The following UGT1A10 variants were observed in gnomAD, a reference collection of about 807,000 sequenced individuals.
UGT1A10 encodes the protein UDP-glucuronosyltransferase 1A10.
UGT1A10 carries 49 observed loss-of-function variants against 45.8 expected under a neutral mutation model. The observed-to-expected ratio is 1.07, with a 90% CI of 0.85 to 1.36. UGT1A10 has a LOEUF of 1.36. Ranked by LOEUF, UGT1A10 falls within the 40% of genes most tolerant of loss-of-function variation. The pLI is 0.00. For synonymous variants in UGT1A10, 284 were observed against 249.7 expected (o/e 1.14, Z -1.29); for missense variants, 745 against 668.6 (o/e 1.11, Z -1.26).
chr2:233,716,991 C>T (rs976570789), intron 1 of UGT1A10, among the ~76,000 whole-genome samples: 2 of 152,184 alleles, frequency 1.3e-5, no homozygotes, highest in African/African-American at 2.4e-5. Flanking sequence ...TCCTGCTGTC[C>T]TCAGGGCCCC....
intron 1 of UGT1A10, among the ~76,000 whole-genome samples, chr2:233,668,777 G>A (rs1161634218): frequency 6.6e-6 from 1 of 152,158 alleles, no homozygotes; most frequent in Non-Finnish European, 1.5e-5. Flanking sequence ...CAAAGTCTAT[G>A]TTTTCTTTAG....
rs944391861 is a variant in UGT1A10, at chr2:233,772,995, T to C, written c.*436T>C. ...ACCAATAATGGTCAGTCCTCATCTC[T>C]GTCGTGCTTCATAGGTGCCACCTTG... On this transcript the variant is annotated 3_prime_UTR_variant, in exon 5 of 5. Transcript: ENST00000344644. The C allele has an allele frequency of 2.4e-5, 6 of 254,024 alleles. No individual in the cohort carries two copies. The highest frequency in any genetic ancestry group is 1.4e-4 in the African/African-American group (6 of 44,320). The allele number at this position is 254,024 out of a possible 1,614,324, so 15.7% of individuals were successfully genotyped here.
intron 1 of UGT1A10, among the ~76,000 whole-genome samples, chr2:233,746,093 C>A (rs887469557): frequency 1.5e-4 from 23 of 151,770 alleles, no homozygotes; most frequent in African/African-American, 5.1e-4. Flanking sequence ...TATACAGAAA[C>A]ATGTCCAGAG....
intron 1 of UGT1A10, among the ~76,000 whole-genome samples, chr2:233,730,578 C>A (rs757044136): frequency 1.3e-5 from 2 of 152,094 alleles, no homozygotes; most frequent in Non-Finnish European, 2.9e-5. Context: ...AGTTCAGTTT[C>A]CAGACAGGGA....
At position 233,657,504 on chromosome 2, in the gene UGT1A10, G is replaced by A. The variant is rs147000381; in HGVS notation, c.855+20127G>A. On this transcript the variant is annotated intron_variant, in intron 1 of 4. Transcript: ENST00000344644. ...TTTTTAACAATCAGTTCTTGCAGGA[G>A]CAATAGGACAGGAACTCACCCATTA... Among the ~76,000 whole-genome samples, 42 of 152,282 alleles carry A rather than the reference G, an allele frequency of 2.8e-4. No individual in the cohort carries two copies. The East Asian group carries it at 7.9e-3, about 29-fold the overall frequency.
chr2:233,699,456 A>T (rs1190557826), intron 1 of UGT1A10, among the ~76,000 whole-genome samples: 1 of 152,192 alleles, frequency 6.6e-6, no homozygotes, highest in African/African-American at 2.4e-5. Flanking sequence ...CCTTAGAACA[A>T]AGGAGGTCAG....
chr2:233,756,842 A>T (rs544297535), intron 1 of UGT1A10, among the ~76,000 whole-genome samples: 73 of 152,236 alleles, frequency 4.8e-4, no homozygotes, highest in African/African-American at 1.7e-3. Context: ...TTAACCAAAG[A>T]ACATTCTAAC....
chr2:233,748,071 C>T, intron 1 of UGT1A10: 3 of 1,613,372 alleles, frequency 1.9e-6, no homozygotes, highest in East Asian at 2.2e-5. Context: ...CAGGAAGCCA[C>T]TATCTCAGGT....
chr2:233,771,578 C>T (rs531656313), intron 4 of UGT1A10: 100 of 152,372 alleles, frequency 6.6e-4, no homozygotes, highest in African/African-American at 2.3e-3. Flanking sequence ...TGGTTGTTTA[C>T]AACTTCAAAT....
At chr2:233,747,724 T>G in intron 1 of UGT1A10, 1 of 1,613,440 alleles carries the variant, frequency 6.2e-7, no homozygotes, top group Admixed American at 1.7e-5. Flanking sequence ...CCTGCTGTGT[T>G]TTTTTTGAGG....
At chr2:233,658,206 A>G (rs1263690912) in intron 1 of UGT1A10, among the ~76,000 whole-genome samples, 2 of 152,052 alleles carry the variant, frequency 1.3e-5, no homozygotes, top group Non-Finnish European at 2.9e-5. Flanking sequence ...TTTAGTAGAC[A>G]CAGGGTTTCA....
rs28900406 is a variant in UGT1A10, at chr2:233,772,385, C to T, written c.1419C>T (p.Pro473=). Residue 473 remains proline (P), a synonymous_variant, in exon 5 of 5, where the codon CCC becomes CCT. Transcript: ENST00000344644. ...MRHKGAPHLR[P]AAHDLTWYQY... ...ACAAGGGCGCGCCACACCTGCGCCC[C>T]GCAGCCCACGACCTCACCTGGTACC... The T allele has an allele frequency of 7.5e-4, 1,213 of 1,614,246 alleles. 13 individuals are homozygous for T. The African/African-American group carries it at 0.014, about 19-fold the overall frequency.
At chr2:233,671,961 C>T in intron 1 of UGT1A10, 6 of 1,613,630 alleles carry the variant, frequency 3.7e-6, no homozygotes, top group Non-Finnish European at 4.2e-6. Context: ...GGACCAGCCC[C>T]CTTCCTCTAT....
At chr2:233,643,994 G>A (rs748450381) in intron 1 of UGT1A10, among the ~76,000 whole-genome samples, 12 of 152,106 alleles carry the variant, frequency 7.9e-5, no homozygotes, top group South Asian at 4.1e-4. Context: ...TTTTGGAGCC[G>A]CAAGCTGTGC....
intron 1 of UGT1A10, among the ~76,000 whole-genome samples, chr2:233,751,728 CCT>C (rs1694798514): frequency 6.6e-6 from 1 of 152,164 alleles, no homozygotes; most frequent in Non-Finnish European, 1.5e-5. Flanking sequence ...GTGAACTCTT[CCT>C]CTCTGTTTCT....
intron 1 of UGT1A10, among the ~76,000 whole-genome samples, chr2:233,670,596 G>A (rs2074163409): frequency 6.6e-6 from 1 of 152,190 alleles, no homozygotes; most frequent in South Asian, 2.1e-4. Context: ...TGATTCAAAA[G>A]CACTCATCTC....
Position 233,769,872 on chromosome 2 carries a change from A to G in UGT1A10, c.1295+1433A>G. 2.2e-6 allele frequency: 1 copy of G among 452,556 alleles called. No individual in the cohort carries two copies. The highest frequency in any genetic ancestry group is 3.7e-6 in the Non-Finnish European group (1 of 267,272). The allele number at this position is 452,556 out of a possible 1,614,324, so 28.0% of individuals were successfully genotyped here. A position where few individuals can be genotyped will look rare whatever the true frequency, so the allele number is the denominator to read the frequency against. ...GACCCTGTCTCAAAAAAAAAAAAAA[A>G]AATGAAAAGTCCACATAACCTGAGC... On this transcript the variant is annotated intron_variant, in intron 4 of 4. Coordinates refer to ENST00000344644, the MANE Select transcript of UGT1A10 (RefSeq NM_019075.4). The surrounding 1 kb of genome is among the most constrained non-coding windows in gnomAD (Gnocchi z 4.4).
intron 1 of UGT1A10, among the ~76,000 whole-genome samples, chr2:233,734,792 AG>A (rs1191669872): frequency 1.3e-5 from 2 of 152,190 alleles, no homozygotes; most frequent in African/African-American, 4.8e-5. Context: ...ATTCAGGAGC[AG>A]GTTGTTCAGT....
At chr2:233,687,658 T>C (rs2074857282) in intron 1 of UGT1A10, among the ~76,000 whole-genome samples, 2 of 150,210 alleles carry the variant, frequency 1.3e-5, no homozygotes, top group Non-Finnish European at 3.0e-5. Flanking sequence ...ATCACAGCAC[T>C]TTAGGAGGCC....
Sources: gnomAD v4.1 joint callset for allele counts (sites outside exome capture counted in the v4.1 genomes callset) on GRCh38, gnomAD v4.1.1 for gene constraint, Gnocchi (gnomAD v3.1) non-coding constraint, MANE v1.5 for transcripts, NCBI Gene and HGNC (gene_info 2026-07-23, HGNC 2026-07-21) for gene names.